CTTNBP2: variants seen among roughly 807,000 people sequenced by gnomAD.
The protein encoded by CTTNBP2 is cortactin binding protein 2, also known as cortactin-binding protein 2.
Under a neutral mutation model 156.9 loss-of-function variants are expected in CTTNBP2, and 108 were observed. The observed-to-expected ratio is 0.69, with a 90% CI of 0.59 to 0.81. The LOEUF (loss-of-function observed/expected upper bound fraction) is 0.81. Among genes scored for constraint, CTTNBP2 ranks in the 30% least tolerant of loss-of-function variants. CTTNBP2 has a pLI of 0.00. For missense variants in CTTNBP2, 1,924 were observed against 2,035.4 expected (o/e 0.95, Z 1.05); for synonymous variants, 767 against 751.8 (o/e 1.02, Z -0.33).
intron 2 of CTTNBP2, among the ~76,000 whole-genome samples, chr7:117,860,939 G>T (rs1307454655): frequency 1.3e-5 from 2 of 152,092 alleles, no homozygotes; most frequent in Non-Finnish European, 2.9e-5. Flanking sequence ...AAACATAAAA[G>T]GATTTCTGAA....
intron 2 of CTTNBP2, among the ~76,000 whole-genome samples, chr7:117,840,086 C>A (rs1056325642): frequency 1.3e-5 from 2 of 152,132 alleles, no homozygotes; most frequent in South Asian, 4.1e-4. Flanking sequence ...TTCATACAAT[C>A]CACAAATATC....
chr7:117,744,841 G>A (rs1190129119), intron 14 of CTTNBP2, among the ~76,000 whole-genome samples: 1 of 152,210 alleles, frequency 6.6e-6, no homozygotes, highest in Non-Finnish European at 1.5e-5. Context: ...AGGCTGCAGT[G>A]AGCTGAGATC....
In CTTNBP2 at chr7:117,819,651, A is replaced by T. The variant is rs957575635; in HGVS notation, c.190-8662T>A. 3.3e-5 allele frequency among the ~76,000 whole-genome samples: 5 copies of T among 152,146 alleles called. No individual in the cohort carries two copies. The South Asian group carries it at 8.3e-4, about 25-fold the overall frequency. On this transcript the variant is annotated intron_variant, in intron 2 of 22. Coordinates refer to ENST00000160373, the MANE Select transcript of CTTNBP2 (RefSeq NM_033427.3). Reference sequence around the variant, plus strand: ...GTGTGAAGATATACTTGAGCCACAGAAGTGAAGGAGAATGTCATGGCGTCA... The same window carrying T: ...GTGTGAAGATATACTTGAGCCACAGTAGTGAAGGAGAATGTCATGGCGTCA...
intron 2 of CTTNBP2, among the ~76,000 whole-genome samples, chr7:117,832,605 G>GTT (rs1271515179): frequency 6.6e-6 from 1 of 151,028 alleles, no homozygotes; most frequent in Admixed American, 6.6e-5. Flanking sequence ...CTATATTTTT[G>GTT]TTTTTTCTGT....
chr7:117,819,578 G>A (rs1342565370), intron 2 of CTTNBP2, among the ~76,000 whole-genome samples: 5 of 152,066 alleles, frequency 3.3e-5, no homozygotes, highest in Non-Finnish European at 5.9e-5. Context: ...AATGAGAAAA[G>A]AACGGAAGGG....
intron 3 of CTTNBP2, among the ~76,000 whole-genome samples, chr7:117,795,211 A>G (rs1474578693): frequency 2.6e-5 from 4 of 152,168 alleles, no homozygotes; most frequent in South Asian, 2.1e-4. Context: ...TTTTATATGT[A>G]TATCTTATTC....
At chr7:117,814,510 T>C (rs1341573923) in intron 2 of CTTNBP2, among the ~76,000 whole-genome samples, 1 of 152,138 alleles carries the variant, frequency 6.6e-6, no homozygotes, top group African/African-American at 2.4e-5. Flanking sequence ...ACTGTAGCCT[T>C]GAACTCTCAG....
chr7:117,871,552 G>A (rs1804596351), intron 1 of CTTNBP2: 1 of 166,760 alleles, frequency 6.0e-6, no homozygotes, highest in South Asian at 2.1e-4. Context: ...GTGAAAATCA[G>A]ACTTGAACAT....
intron 17 of CTTNBP2, among the ~76,000 whole-genome samples, chr7:117,727,362 AT>A (rs891661126): frequency 1.4e-4 from 21 of 148,556 alleles, no homozygotes; most frequent in East Asian, 5.9e-4. Flanking sequence ...TGCCTGGCTA[AT>A]TTTTTTTTTT....
At chr7:117,773,799 GGGA>G (rs1797944407) in intron 8 of CTTNBP2, among the ~76,000 whole-genome samples, 1 of 152,034 alleles carries the variant, frequency 6.6e-6, no homozygotes, top group Non-Finnish European at 1.5e-5. Context: ...TGGAAGCCCA[GGGA>G]GAGAGGAGTA....
intron 9 of CTTNBP2, among the ~76,000 whole-genome samples, chr7:117,760,915 G>A (rs921937126): frequency 2.6e-5 from 4 of 152,072 alleles, no homozygotes; most frequent in African/African-American, 9.7e-5. Context: ...GAAGCACGCT[G>A]CACGAACTGT....
intron 3 of CTTNBP2, among the ~76,000 whole-genome samples, chr7:117,802,490 G>A (rs58314829): frequency 0.025 from 2,955 of 118,048 alleles, 90 homozygotes; most frequent in African/African-American, 0.075. Context: ...CAAAAAAAAA[G>A]TTATGGCTAA....
chr7:117,787,766 A>G (rs1427854063), intron 4 of CTTNBP2, among the ~76,000 whole-genome samples: 1 of 152,174 alleles, frequency 6.6e-6, no homozygotes, highest in East Asian at 1.9e-4. Context: ...AATTTATACT[A>G]CAATTCATTA....
At chr7:117,795,897 C>A (rs1799286680) in intron 3 of CTTNBP2, among the ~76,000 whole-genome samples, 1 of 152,170 alleles carries the variant, frequency 6.6e-6, no homozygotes, top group African/African-American at 2.4e-5. Context: ...TAAACTCAAA[C>A]TCTGACTCCC....
chr7:117,812,803 A>T (rs1221852242), intron 2 of CTTNBP2, among the ~76,000 whole-genome samples: 1 of 152,156 alleles, frequency 6.6e-6, no homozygotes, highest in East Asian at 1.9e-4. Flanking sequence ...TAACACTTGG[A>T]TAATTCTATG....
chr7:117,820,048 T>C (rs1440463040), intron 2 of CTTNBP2, among the ~76,000 whole-genome samples: 1 of 152,216 alleles, frequency 6.6e-6, no homozygotes, highest in Non-Finnish European at 1.5e-5. Flanking sequence ...CTTTTGACCT[T>C]GTATGCCACT....
rs770316293 is a variant in CTTNBP2 at position 117,810,981 on chromosome 7, C to A, written c.198G>T (p.Arg66Ser). 2.3e-5 allele frequency: 37 copies of A among 1,611,204 alleles called. No homozygotes were observed. The highest frequency in any genetic ancestry group is 3.1e-5 in the Non-Finnish European group (36 of 1,178,064). Residue 66 changes from arginine to serine, a missense_variant, in exon 3 of 23, where the codon AGG becomes AGT. Coordinates refer to ENST00000160373, the MANE Select transcript of CTTNBP2 (RefSeq NM_033427.3). The stretch of plus-strand genomic sequence containing the variant: ...ACCGTTCCTGGATAAATACCTCCTT[C>A]CTGCGAGCCTGGAACAAAATTAGAG... ...DLVIEALRAR[R>S]KEVFIQERYG... is the part of the protein sequence containing the mutation.
At chr7:117,766,681 G>A (rs1177322917) in intron 9 of CTTNBP2, among the ~76,000 whole-genome samples, 1 of 152,142 alleles carries the variant, frequency 6.6e-6, no homozygotes, top group Non-Finnish European at 1.5e-5. Flanking sequence ...CCAGGTGCTG[G>A]GAGACAACCA....
intron 3 of CTTNBP2, among the ~76,000 whole-genome samples, chr7:117,799,604 T>A (rs1216955972): frequency 7.9e-5 from 12 of 152,072 alleles, no homozygotes; most frequent in Non-Finnish European, 5.9e-5. Flanking sequence ...AAAGTCTACT[T>A]TCACTACTTC....
Sources: gnomAD v4.1 joint callset for allele counts (sites outside exome capture counted in the v4.1 genomes callset) on GRCh38, gnomAD v4.1.1 for gene constraint, MANE v1.5 for transcripts, NCBI Gene and HGNC (gene_info 2026-07-23, HGNC 2026-07-21) for gene names.